Variants in HIVEP1 observed in about 807,000 individuals in gnomAD.
The protein encoded by HIVEP1 is zinc finger protein 40.
Under a neutral mutation model 180.0 loss-of-function variants are expected in HIVEP1, and 36 were observed. That is an observed-to-expected ratio of 0.20 (90% CI 0.15 to 0.26). The LOEUF (loss-of-function observed/expected upper bound fraction) is 0.26, where lower values mean the gene tolerates loss of function less well. Ranked by LOEUF, HIVEP1 falls within the 10% of genes least tolerant of loss-of-function variation. HIVEP1 has a pLI of 1.00. For missense variants in HIVEP1, 3,143 were observed against 3,268.7 expected (o/e 0.96, Z 0.94); for synonymous variants, 1,239 against 1,239.0 (o/e 1.00, Z 0.00).
the HIVEP1 span, among the ~76,000 whole-genome samples, chr6:12,184,916 A>G: frequency 2.0e-5 from 3 of 152,368 alleles, no homozygotes; most frequent in East Asian, 5.8e-4. Context: ...AATATTTTTT[A>G]CACATTTCAG....
upstream of HIVEP1, among the ~76,000 whole-genome samples, chr6:12,009,512 C>A (rs988950306): frequency 6.6e-6 from 1 of 152,202 alleles, no homozygotes. Context: ...CCTGCATTGT[C>A]CCAGGATTTT....
intron 4 of HIVEP1, among the ~76,000 whole-genome samples, chr6:12,128,707 G>A (rs970678522): frequency 6.6e-6 from 1 of 152,136 alleles, no homozygotes; most frequent in Non-Finnish European, 1.5e-5. Flanking sequence ...CAAATGGGTA[G>A]TAGCATAAAA....
At chr6:12,039,833 C>T (rs1769553853) in intron 2 of HIVEP1, among the ~76,000 whole-genome samples, 1 of 152,096 alleles carries the variant, frequency 6.6e-6, no homozygotes, top group African/African-American at 2.4e-5. Context: ...GGGATATCAC[C>T]ACCCATGAGC....
At position 12,070,162 on chromosome 6, in the gene HIVEP1, T is replaced by A. The variant is rs563555872; in HGVS notation, c.41-19022T>A. Among the ~76,000 whole-genome samples the A allele has an allele frequency of 1.2e-4, 19 of 152,282 alleles. No homozygotes were observed. The South Asian group carries it at 2.5e-3, about 20-fold the overall frequency. ...AGGCTATTTTACTATTAACTTTTTT[T>A]AAAAATGAGTAGAAGGAGTACAGTC... On this transcript the variant is annotated intron_variant, in intron 2 of 8. Transcript: ENST00000379388.
chr6:12,048,413 G>A (rs10223323), intron 2 of HIVEP1, among the ~76,000 whole-genome samples: 37,658 of 152,068 alleles, frequency 0.25, 5,032 homozygotes, highest in African/African-American at 0.36. Context: ...AGAAGAGATG[G>A]CATACATTTC....
chr6:12,172,150 G>A, the HIVEP1 span, among the ~76,000 whole-genome samples: 3 of 152,172 alleles, frequency 2.0e-5, no homozygotes, highest in Non-Finnish European at 4.4e-5. Flanking sequence ...TGGCCTTTCA[G>A]ACATAATTAA....
rs1308628066 is a variant in HIVEP1 at position 12,164,037 on chromosome 6, C to T, written c.7733C>T (p.Ala2578Val). The T allele has an allele frequency of 6.2e-7, 1 of 1,614,028 alleles. No individual in the cohort carries two copies. Among genetic ancestry groups the T allele is most frequent in the Non-Finnish European group, 8.5e-7 (1 of 1,180,046 alleles). ...APEMPASQSK[A>V]CETQPKQTSV... is the part of the protein sequence containing the mutation. ...GAAATGCCAGCTTCCCAAAGCAAAG[C>T]ATGCGAGACACAACCCAAGCAGACT... The change falls in exon 9 of 9, where the codon GCA becomes GTA. Residue 2578 changes from alanine to valine, a missense_variant. By Grantham distance (64) the Ala-to-Val change is moderately conservative. Transcript: ENST00000379388.
At chr6:12,042,824 T>C (rs1219613770) in intron 2 of HIVEP1, among the ~76,000 whole-genome samples, 1 of 152,202 alleles carries the variant, frequency 6.6e-6, no homozygotes, top group Non-Finnish European at 1.5e-5. Context: ...TAATAGTACT[T>C]TTTCTTTCAG....
At chr6:12,128,870 G>A (rs115836678) in intron 4 of HIVEP1, among the ~76,000 whole-genome samples, 1,582 of 152,244 alleles carry the variant, frequency 0.01, 26 homozygotes, top group African/African-American at 0.036. Context: ...GCTAGACCTG[G>A]ATGCCACATT....
chr6:12,126,583 C>G (rs368201228), intron 4 of HIVEP1, among the ~76,000 whole-genome samples: 8 of 152,178 alleles, frequency 5.3e-5, no homozygotes, highest in Admixed American at 3.9e-4. Context: ...AATAGGTAAG[C>G]ATATCACGTT....
the HIVEP1 span, among the ~76,000 whole-genome samples, chr6:12,183,974 A>AAGATAGATAGAT: frequency 6.0e-3 from 802 of 134,750 alleles, no homozygotes; most frequent in Middle Eastern, 0.014. Flanking sequence ...TCACATTGTA[A>AAGATAGATAGAT]AGATAGATAG....
intron 2 of HIVEP1, among the ~76,000 whole-genome samples, chr6:12,072,794 A>G (rs866860169): frequency 5.9e-5 from 9 of 151,954 alleles, no homozygotes; most frequent in Non-Finnish European, 1.0e-4. Context: ...CTGTTCTAGT[A>G]TTTCCATTCT....
Position 12,125,556 on chromosome 6 carries a change from T to C in HIVEP1, c.5761T>C (p.Ser1921Pro). ...AAGTCAACAGCCAGTCACTTCTCTT[T>C]CATTGTTTAACATCAAGGACACCCA... is the stretch of plus-strand genomic sequence containing the variant. ...EQSQQPVTSLSLFNIKDTQQL... is the reference protein window; with the variant it reads ...EQSQQPVTSLPLFNIKDTQQL... The change falls in exon 4 of 9, where the codon TCA (serine) becomes CCA (proline). Residue 1921 changes from serine (S) to proline (P), a missense_variant. Around this residue, in one of 12 missense-constraint regions of HIVEP1, gnomAD observed 1,357 missense variants for 1,260.5 expected, o/e 1.08. Coordinates refer to ENST00000379388, the MANE Select transcript of HIVEP1 (RefSeq NM_002114.4). 2 of 1,614,186 alleles carry C rather than the reference T, an allele frequency of 1.2e-6. No individual in the cohort carries two copies. Among genetic ancestry groups the C allele is most frequent in the Non-Finnish European group, 1.7e-6 (2 of 1,180,018 alleles).
intron 2 of HIVEP1, among the ~76,000 whole-genome samples, chr6:12,078,573 G>A (rs1174390514): frequency 6.7e-6 from 1 of 148,742 alleles, no homozygotes; most frequent in Non-Finnish European, 1.5e-5. Flanking sequence ...TTTGCCCCAG[G>A]TAATAGCAGC....
the HIVEP1 span, among the ~76,000 whole-genome samples, chr6:12,188,097 T>C: frequency 4.1e-4 from 62 of 152,294 alleles, no homozygotes; most frequent in Middle Eastern, 6.8e-3. Flanking sequence ...TTTCAGTTAA[T>C]AAAAGTTAAG....
Position 12,123,357 on chromosome 6 carries a change from C to A in HIVEP1, c.3562C>A (p.Arg1188=), listed in dbSNP as rs376674453. Residue 1188 remains arginine (R), a synonymous_variant, in exon 4 of 9, where the codon CGG becomes AGG. Transcript: ENST00000379388. ...CTCCCAAGAGGAAAGTCACCCTTCT[C>A]GGGACGGGTCTCATCCTCACCAGCT... ...GISQEESHPS[R]DGSHPHQLAL... is the part of the protein sequence containing the mutation. 56 of 1,614,028 alleles carry A rather than the reference C, an allele frequency of 3.5e-5. No homozygotes were observed. Among genetic ancestry groups the A allele is most frequent in the Non-Finnish European group, 4.2e-5 (49 of 1,180,030 alleles).
At chr6:12,092,357 C>T (rs1278781720) in intron 3 of HIVEP1, among the ~76,000 whole-genome samples, 1 of 152,148 alleles carries the variant, frequency 6.6e-6, no homozygotes, top group Admixed American at 6.5e-5. Flanking sequence ...TTTCACTTAA[C>T]GTTGTTCCTA....
Position 12,124,244 on chromosome 6 carries a change from C to G in HIVEP1, c.4449C>G (p.His1483Gln), listed in dbSNP as rs1193420878. The change falls in exon 4 of 9, where the codon CAC (histidine) becomes CAG (glutamine). Residue 1483 changes from histidine to glutamine, a missense_variant. By Grantham distance (24) the His-to-Gln change is conservative. Around this residue, in one of 12 missense-constraint regions of HIVEP1, gnomAD observed 1,357 missense variants for 1,260.5 expected, o/e 1.08. Coordinates refer to ENST00000379388, the MANE Select transcript of HIVEP1 (RefSeq NM_002114.4). Reference protein sequence around the residue: ...SLAEFSANTLHSQTQVKDLQA... With the variant: ...SLAEFSANTLQSQTQVKDLQA... Reference sequence around the variant, plus strand: ...CTGAGTTTTCTGCAAATACTTTGCACTCTCAGACTCAGGTTAAGGATCTGC... The same window carrying G: ...CTGAGTTTTCTGCAAATACTTTGCAGTCTCAGACTCAGGTTAAGGATCTGC... 1.2e-6 allele frequency: 2 copies of G among 1,614,020 alleles called. No homozygotes were observed. The highest frequency in any genetic ancestry group is 3.3e-5 in the Admixed American group (2 of 60,004).
intron 3 of HIVEP1, among the ~76,000 whole-genome samples, chr6:12,098,247 T>G (rs1477651030): frequency 6.6e-6 from 1 of 152,212 alleles, no homozygotes; most frequent in Non-Finnish European, 1.5e-5. Flanking sequence ...ACTGGTACAT[T>G]TTTTGACAAG....
Sources: gnomAD v4.1 joint callset for allele counts (sites outside exome capture counted in the v4.1 genomes callset) on GRCh38, gnomAD v4.1.1 for gene constraint, gnomAD v4.1.1 regional missense constraint, MANE v1.5 for transcripts, NCBI Gene and HGNC (gene_info 2026-07-23, HGNC 2026-07-21) for gene names.